The following CTNNA1 variants were observed in gnomAD, a reference collection of about 807,000 sequenced individuals.
The protein encoded by CTNNA1 is catenin alpha-1.
In CTNNA1, 37 loss-of-function variants were observed where a neutral mutation model predicts 98.4. The observed-to-expected ratio is 0.38, with a 90% CI of 0.29 to 0.49. The LOEUF is 0.49. Among genes scored for constraint, CTNNA1 ranks in the 20% least tolerant of loss-of-function variants. The probability of loss-of-function intolerance (pLI) is 0.95; values close to 1 mark genes in which losing one functional copy is unlikely to be tolerated. For missense variants in CTNNA1, 761 were observed against 1,147.2 expected (o/e 0.66, Z 4.86); for synonymous variants, 404 against 413.2 (o/e 0.98, Z 0.27).
At position 138,781,962 on chromosome 5, in the gene CTNNA1, G is replaced by T. The variant is rs955840317; in HGVS notation, c.38G>T (p.Trp13Leu). ...AVHAGNINFK[W>L]DPKSLEIRTL... is the part of the protein sequence containing the mutation. Reference sequence around the variant, plus strand: ...CATGCAGGCAACATAAACTTCAAGTGGGATCCTAAAAGTCTAGAGATCAGG... The same window carrying T: ...CATGCAGGCAACATAAACTTCAAGTTGGATCCTAAAAGTCTAGAGATCAGG... Residue 13 changes from tryptophan (W) to leucine (L), a missense_variant, in exon 2 of 18, where the codon TGG (tryptophan) becomes TTG (leucine). Trp to Leu is a moderately conservative substitution (Grantham distance 61, BLOSUM62 -2). Coordinates refer to ENST00000302763, the MANE Select transcript of CTNNA1 (RefSeq NM_001903.5). The T allele has an allele frequency of 1.9e-6, 3 of 1,600,044 alleles. No individual in the cohort carries two copies. The highest frequency in any genetic ancestry group is 2.5e-6 in the Non-Finnish European group (3 of 1,177,060).
At chr5:138,886,710 G>T (rs565459344) in intron 8 of CTNNA1, among the ~76,000 whole-genome samples, 11 of 152,148 alleles carry the variant, frequency 7.2e-5, no homozygotes, top group Non-Finnish European at 1.2e-4. Context: ...AATGTTTCCA[G>T]TTCCAAATAT....
At chr5:138,815,009 C>G (rs539044605) in intron 5 of CTNNA1, among the ~76,000 whole-genome samples, 1 of 152,284 alleles carries the variant, frequency 6.6e-6, no homozygotes, top group Admixed American at 6.5e-5. Flanking sequence ...GCCTCGGTCT[C>G]CCAAAGTGCT....
intron 7 of CTNNA1, chr5:138,881,097 A>G (rs1752807246): frequency 2.2e-6 from 1 of 456,290 alleles, no homozygotes. Context: ...TGTATTGCAC[A>G]TTGCTGAAAG....
intron 2 of CTNNA1, among the ~76,000 whole-genome samples, chr5:138,782,909 T>C (rs879866732): frequency 6.6e-6 from 1 of 152,220 alleles, no homozygotes; most frequent in African/African-American, 2.4e-5. Flanking sequence ...TTTTTTAATT[T>C]GTAAAATCAA....
At chr5:138,916,177 C>CAAAAAAAAAAAAAAAAAAAAAAAAA (rs56935188) in intron 10 of CTNNA1, among the ~76,000 whole-genome samples, 35 of 115,118 alleles carry the variant, frequency 3.0e-4, no homozygotes, top group East Asian at 1.5e-3. Flanking sequence ...TTAGTGGTTG[C>CAAAAAAAAAAAAAAAAAAAAAAAAA]AAAAAAAAAA....
intron 7 of CTNNA1, among the ~76,000 whole-genome samples, chr5:138,862,928 T>C (rs1330285147): frequency 6.6e-6 from 1 of 152,216 alleles, no homozygotes; most frequent in African/African-American, 2.4e-5. Flanking sequence ...CACGTTGCTA[T>C]TAAAAATAAT....
intron 7 of CTNNA1, among the ~76,000 whole-genome samples, chr5:138,832,323 T>C (rs1411029642): frequency 2.6e-5 from 4 of 152,202 alleles, no homozygotes; most frequent in African/African-American, 9.7e-5. Flanking sequence ...TAGGGAAATA[T>C]CACAGACCCA....
chr5:138,842,332 C>A (rs1209773252), intron 7 of CTNNA1, among the ~76,000 whole-genome samples: 3 of 152,144 alleles, frequency 2.0e-5, no homozygotes, highest in African/African-American at 7.2e-5. Context: ...GAACTGTAAT[C>A]TTTTAAGCTC....
chr5:138,839,333 T>G (rs1175265476), intron 7 of CTNNA1, among the ~76,000 whole-genome samples: 1 of 152,150 alleles, frequency 6.6e-6, no homozygotes, highest in African/African-American at 2.4e-5. Context: ...CCCGAGTAGC[T>G]GGGATTACAG....
Position 138,874,162 on chromosome 5 carries a change from A to C in CTNNA1, c.1063-12050A>C. ...AAGACAGGTCCAAATTTTGCAGGTT[A>C]ATCAGTTGGGTAAAAGTTGTGTTTG... On this transcript the variant is annotated intron_variant, in intron 7 of 17. Transcript: ENST00000302763. This position sits in a 1 kb window ranked among gnomAD's most constrained non-coding sequence, Gnocchi z 4.1. The C allele has an allele frequency of 6.2e-7, 1 of 1,613,832 alleles. No individual in the cohort carries two copies. Among genetic ancestry groups the C allele is most frequent in the Non-Finnish European group, 8.5e-7 (1 of 1,179,768 alleles).
At chr5:138,765,184 G>A (rs1220700836) in intron 1 of CTNNA1, among the ~76,000 whole-genome samples, 2 of 151,206 alleles carry the variant, frequency 1.3e-5, no homozygotes, top group Non-Finnish European at 3.0e-5. Context: ...GGGATTACAG[G>A]CACCCACCAC....
intron 3 of CTNNA1, among the ~76,000 whole-genome samples, chr5:138,785,769 G>GTAGTA (rs1341180261): frequency 2.9e-4 from 44 of 151,892 alleles, no homozygotes; most frequent in South Asian, 6.2e-4. Context: ...GTAGTGTAGT[G>GTAGTA]TAGTATAGTA....
chr5:138,837,765 G>GTGT (rs765779000), intron 7 of CTNNA1, among the ~76,000 whole-genome samples: 2 of 151,540 alleles, frequency 1.3e-5, no homozygotes. Flanking sequence ...GGGACTAGAG[G>GTGT]TGTGCACCAG....
At chr5:138,913,083 G>GT (rs970375790) in intron 10 of CTNNA1, among the ~76,000 whole-genome samples, 19 of 149,742 alleles carry the variant, frequency 1.3e-4, no homozygotes, top group East Asian at 2.0e-4. Flanking sequence ...CTTTCGTTCA[G>GT]TTTTTTTTTG....
intron 7 of CTNNA1, among the ~76,000 whole-genome samples, chr5:138,841,555 A>T (rs1275366718): frequency 6.6e-6 from 1 of 152,200 alleles, no homozygotes; most frequent in Non-Finnish European, 1.5e-5. Flanking sequence ...CCACTGCACC[A>T]GGCCTGTTTT....
At chr5:138,766,580 G>A (rs911471919) in intron 1 of CTNNA1, among the ~76,000 whole-genome samples, 2 of 152,160 alleles carry the variant, frequency 1.3e-5, no homozygotes, top group East Asian at 1.9e-4. Context: ...GAGCAGGAAG[G>A]GGGTTAGTAG....
At chr5:138,787,763 ACTTT>A (rs1755872157) in intron 3 of CTNNA1, among the ~76,000 whole-genome samples, 1 of 152,232 alleles carries the variant, frequency 6.6e-6, no homozygotes, top group African/African-American at 2.4e-5. Flanking sequence ...TTGATGTGTA[ACTTT>A]CTTTTTGTGT....
At chr5:138,761,310 C>T (rs1752340550) in intron 1 of CTNNA1, among the ~76,000 whole-genome samples, 1 of 152,164 alleles carries the variant, frequency 6.6e-6, no homozygotes, top group Non-Finnish European at 1.5e-5. Context: ...TCTCGGCTCA[C>T]TGCAACCTCC....
At chr5:138,768,566 T>G (rs796751818) in intron 1 of CTNNA1, among the ~76,000 whole-genome samples, 14 of 136,692 alleles carry the variant, frequency 1.0e-4, no homozygotes, top group African/African-American at 4.1e-4. Flanking sequence ...CTGTTTTTTT[T>G]TTTTTTTTTT....
Sources: gnomAD v4.1 joint callset for allele counts (sites outside exome capture counted in the v4.1 genomes callset) on GRCh38, gnomAD v4.1.1 for gene constraint, Gnocchi (gnomAD v3.1) non-coding constraint, MANE v1.5 for transcripts, NCBI Gene and HGNC (gene_info 2026-07-23, HGNC 2026-07-21) for gene names.